Variants in ZNF141 observed in about 807,000 individuals in gnomAD.
ZNF141 encodes zinc finger protein 141 (clone pHZ-44).
In ZNF141, 7 loss-of-function variants were observed where a neutral mutation model predicts 11.3. That is an observed-to-expected ratio of 0.62 (90% CI 0.35 to 1.16). The LOEUF is 1.16. Ranked by LOEUF, ZNF141 falls within the 50% of genes most tolerant of loss-of-function variation. The probability of loss-of-function intolerance (pLI) is 0.02; values close to 1 mark genes in which losing one functional copy is unlikely to be tolerated. For synonymous variants in ZNF141, 183 were observed against 190.7 expected (o/e 0.96, Z 0.33); for missense variants, 535 against 554.0 (o/e 0.97, Z 0.34).
At position 358,545 on chromosome 4, in the gene ZNF141, T is replaced by C. The variant is rs190982663; in HGVS notation, c.226+14115T>C. On this transcript the variant is annotated intron_variant, in intron 3 of 3. Transcript: ENST00000240499. ...TTGTTGCAAAAAAAAATTAGTAATC[T>C]GTGTACTTTTGCATTTTATTTTTCT... is the stretch of plus-strand genomic sequence containing the variant. The C allele has an allele frequency of 3.9e-4, 64 of 162,750 alleles. No individual in the cohort carries two copies. The East Asian group carries it at 0.011, about 29-fold the overall frequency. 10.1% of individuals were successfully genotyped at this position (162,750 alleles called of 1,614,324 possible). A position where few individuals can be genotyped will look rare whatever the true frequency, so the allele number is the denominator to read the frequency against.
intron 3 of ZNF141, among the ~76,000 whole-genome samples, chr4:353,783 C>G (rs1721719467): frequency 6.6e-6 from 1 of 152,130 alleles, no homozygotes; most frequent in South Asian, 2.1e-4. Flanking sequence ...TTCTTTTGCA[C>G]ACAAGTTGTC....
At chr4:349,619 T>G (rs1482596159) in intron 3 of ZNF141, among the ~76,000 whole-genome samples, 1 of 152,206 alleles carries the variant, frequency 6.6e-6, no homozygotes, top group African/African-American at 2.4e-5. Flanking sequence ...TTTTGGCAGG[T>G]AAAGATCTCC....
intron 3 of ZNF141, among the ~76,000 whole-genome samples, chr4:368,054 A>G (rs1004649336): frequency 6.6e-6 from 1 of 152,176 alleles, no homozygotes; most frequent in Admixed American, 6.5e-5. Flanking sequence ...GGCCCTTTAC[A>G]AAAACAATTC....
intron 2 of ZNF141, among the ~76,000 whole-genome samples, 191 bp from the exon 3 acceptor site, chr4:344,144 C>T (rs1560180781): frequency 6.6e-6 from 1 of 152,070 alleles, no homozygotes; most frequent in Non-Finnish European, 1.5e-5. Flanking sequence ...TTCGGTAGTA[C>T]TTGGTAGTGG....
intron 3 of ZNF141, among the ~76,000 whole-genome samples, chr4:345,177 A>T (rs1721262694): frequency 6.6e-6 from 1 of 152,204 alleles, no homozygotes; most frequent in South Asian, 2.1e-4. Flanking sequence ...CAGGAACACC[A>T]AGGACAGATG....
intron 1 of ZNF141, among the ~76,000 whole-genome samples, chr4:341,065 C>T (rs1284350402): frequency 7.0e-6 from 1 of 142,118 alleles, no homozygotes; most frequent in African/African-American, 2.7e-5. Flanking sequence ...GTCAAAAAAA[C>T]ATTTTTCTTT....
chr4:363,172 C>T (rs1553852443), intron 3 of ZNF141, among the ~76,000 whole-genome samples: 1 of 151,950 alleles, frequency 6.6e-6, no homozygotes, highest in African/African-American at 2.4e-5. Context: ...TGATTTGGCT[C>T]TCTGTCTGTT....
At chr4:350,936 A>G (rs1259693532) in intron 3 of ZNF141, among the ~76,000 whole-genome samples, 3 of 149,324 alleles carry the variant, frequency 2.0e-5, no homozygotes, top group Non-Finnish European at 3.0e-5. Context: ...TTTTTAGTAG[A>G]GACGGGGTTT....
chr4:339,965 T>G (rs1198741161), intron 1 of ZNF141, among the ~76,000 whole-genome samples: 1 of 152,236 alleles, frequency 6.6e-6, no homozygotes, highest in Non-Finnish European at 1.5e-5. Context: ...AAACTATGTA[T>G]GATACATGGT....
chr4:338,540 C>G (rs1003201956), intron 1 of ZNF141: 1 of 156,202 alleles, frequency 6.4e-6, no homozygotes, highest in African/African-American at 2.4e-5. Flanking sequence ...TGTGCGCCTC[C>G]TCCGCGTGGC....
At chr4:357,384 A>T (rs1216948359) in intron 3 of ZNF141, among the ~76,000 whole-genome samples, 2 of 150,124 alleles carry the variant, frequency 1.3e-5, no homozygotes, top group South Asian at 2.1e-4. Flanking sequence ...TCACCACTGC[A>T]CTCCAGCCTG....
Position 384,135 on chromosome 4 carries a change from C to G in ZNF141, c.*10273C>G, listed in dbSNP as rs1396274298. Reference sequence around the variant, plus strand: ...CTTAAACTCACACAGTGCCCCATACCACAGGAGAAAAACACACAGTTCCAG... The same window carrying G: ...CTTAAACTCACACAGTGCCCCATACGACAGGAGAAAAACACACAGTTCCAG... On this transcript the variant is annotated 3_prime_UTR_variant, in exon 4 of 4. Transcript: ENST00000240499. 6.6e-6 allele frequency: 1 copy of G among 152,164 alleles called. No individual in the cohort carries two copies. Among genetic ancestry groups the G allele is most frequent in the Non-Finnish European group, 1.5e-5 (1 of 68,034 alleles). The allele number at this position is 152,164 out of a possible 1,614,324, so 9.4% of individuals were successfully genotyped here. A position where few individuals can be genotyped will look rare whatever the true frequency, so the allele number is the denominator to read the frequency against.
At chr4:362,859 A>G (rs1711554465) in intron 3 of ZNF141, among the ~76,000 whole-genome samples, 1 of 152,174 alleles carries the variant, frequency 6.6e-6, no homozygotes, top group South Asian at 2.1e-4. Flanking sequence ...TTGGCAATGC[A>G]GGCTCTTTTT....
Position 379,565 on chromosome 4 carries a change from C to T in ZNF141, c.*5703C>T, listed in dbSNP as rs782380664. Among the ~76,000 whole-genome samples the T allele has an allele frequency of 2.6e-5, 4 of 151,132 alleles. No individual in the cohort carries two copies. The highest frequency in any genetic ancestry group is 2.0e-4 in the East Asian group (1 of 5,060). ...AATTTTTATATTGTTAGTAGAGATG[C>T]GGTTTGACTATGTTGGCCAGGCTGG... On this transcript the variant is annotated 3_prime_UTR_variant, in exon 4 of 4. Coordinates refer to ENST00000240499, the MANE Select transcript of ZNF141 (RefSeq NM_003441.4).
chr4:344,649 C>T (rs1553849257), intron 3 of ZNF141, among the ~76,000 whole-genome samples: 1 of 152,122 alleles, frequency 6.6e-6, no homozygotes, highest in African/African-American at 2.4e-5. Flanking sequence ...CAAAAATTAG[C>T]TGGGCATGGT....
Position 374,472 on chromosome 4 carries a change from G to A in ZNF141, c.*610G>A. 1 of 308,156 alleles carries A rather than the reference G, an allele frequency of 3.2e-6. No individual in the cohort carries two copies. The highest frequency in any genetic ancestry group is 3.4e-5 in the South Asian group (1 of 29,832). The allele number at this position is 308,156 out of a possible 1,614,324, so 19.1% of individuals were successfully genotyped here. A position where few individuals can be genotyped will look rare whatever the true frequency, so the allele number is the denominator to read the frequency against. On this transcript the variant is annotated 3_prime_UTR_variant, in exon 4 of 4. Transcript: ENST00000240499. ...GAAACCCTACACATGTAAAGAATGT[G>A]GCAAAGCCTTCAATAGGTTCTCAAC...
chr4:361,427 C>T (rs1338264268), intron 3 of ZNF141, among the ~76,000 whole-genome samples: 1 of 147,662 alleles, frequency 6.8e-6, no homozygotes, highest in African/African-American at 2.5e-5. Flanking sequence ...ATGTGCATAA[C>T]GTGCAGGTTT....
At chr4:368,414 G>T (rs1462718006) in intron 3 of ZNF141, among the ~76,000 whole-genome samples, 1 of 151,948 alleles carries the variant, frequency 6.6e-6, no homozygotes, top group Non-Finnish European at 1.5e-5. Context: ...TCTAATTTTT[G>T]TATTTTTAGT....
Position 380,037 on chromosome 4 carries a change from A to G in ZNF141, c.*6175A>G, listed in dbSNP as rs1712542995. On this transcript the variant is annotated 3_prime_UTR_variant, in exon 4 of 4. Transcript: ENST00000240499. The stretch of plus-strand genomic sequence containing the variant: ...GGCAACTATGTGTTGTTTTACAGAC[A>G]TGTCTCCAGATGCCCCTTTCTTGTA... 6.6e-6 allele frequency among the ~76,000 whole-genome samples: 1 copy of G among 152,202 alleles called. No homozygotes were observed. Among genetic ancestry groups the G allele is most frequent in the African/African-American group, 2.4e-5 (1 of 41,446 alleles).
Sources: gnomAD v4.1 joint callset for allele counts (sites outside exome capture counted in the v4.1 genomes callset) on GRCh38, gnomAD v4.1.1 for gene constraint, MANE v1.5 for transcripts, NCBI Gene and HGNC (gene_info 2026-07-23, HGNC 2026-07-21) for gene names.